The following SDK1 variants were observed in gnomAD, a reference collection of about 807,000 sequenced individuals.
The protein encoded by SDK1 is protein sidekick-1.
In SDK1, 157 loss-of-function variants were observed where a neutral mutation model predicts 245.5. The ratio of observed to expected loss-of-function variants is 0.64; its 90% CI spans 0.56 to 0.73. SDK1 has a LOEUF of 0.73. Ranked by LOEUF, SDK1 falls within the 30% of genes least tolerant of loss-of-function variation. The pLI, the probability that SDK1 is intolerant of heterozygous loss-of-function variation, is 0.00. For missense variants in SDK1, 3,583 were observed against 3,002.3 expected (o/e 1.19, Z -4.52); for synonymous variants, 1,647 against 1,278.5 (o/e 1.29, Z -6.15).
At chr7:3,401,164 C>G (rs1055429478) in intron 1 of SDK1, among the ~76,000 whole-genome samples, 2 of 152,150 alleles carry the variant, frequency 1.3e-5, no homozygotes, top group African/African-American at 4.8e-5. Flanking sequence ...GCTTCACTTA[C>G]TAAAATCCAT....
chr7:4,084,706 GTTATGTTATGTTATGTTATGTT>G (rs879290131), intron 22 of SDK1, among the ~76,000 whole-genome samples: 107 of 136,756 alleles, frequency 7.8e-4, no homozygotes, highest in Non-Finnish European at 1.4e-3. Flanking sequence ...GTTATGTTAT[GTTATGTTATGTTATGTTATGTT>G]ATGTTGTTAC....
intron 1 of SDK1, among the ~76,000 whole-genome samples, chr7:3,549,768 G>A (rs984134663): frequency 1.5e-4 from 23 of 152,224 alleles, no homozygotes; most frequent in African/African-American, 5.3e-4. Context: ...GCACGTCAAG[G>A]CACTGTTCTC....
At position 3,841,196 on chromosome 7, in the gene SDK1, C is replaced by A. The variant is rs577349520; in HGVS notation, c.847+19613C>A. Among the ~76,000 whole-genome samples, 52 of 152,310 alleles carry A rather than the reference C, an allele frequency of 3.4e-4. 1 individual carries two copies. Among genetic ancestry groups the A allele is most frequent in the African/African-American group, 1.2e-3 (51 of 41,550 alleles). ...TACAGCCCTTGGGCACTGCACCTACCCATGTATCAGGTGATCCAGAAGGCT... is the reference window on the plus strand; with the variant it reads ...TACAGCCCTTGGGCACTGCACCTACACATGTATCAGGTGATCCAGAAGGCT... On this transcript the variant is annotated intron_variant, in intron 5 of 44. Transcript: ENST00000404826.
chr7:4,074,246 G>C (rs1780473324), intron 20 of SDK1, among the ~76,000 whole-genome samples: 1 of 152,140 alleles, frequency 6.6e-6, no homozygotes, highest in Admixed American at 6.5e-5. Flanking sequence ...ATTGGGGGAG[G>C]CTGAGAAGCA....
intron 7 of SDK1, chr7:3,952,206 C>T (rs1018644618): frequency 4.0e-5 from 17 of 425,958 alleles, no homozygotes; most frequent in African/African-American, 3.6e-4. Flanking sequence ...CATATAGATC[C>T]CTCTCCTATT....
intron 34 of SDK1, 69 bp downstream of exon 34, chr7:4,175,903 C>T (rs1782179243): frequency 4.2e-6 from 6 of 1,429,346 alleles, no homozygotes; most frequent in East Asian, 4.5e-5. Flanking sequence ...CAGCTGGTCT[C>T]TCAGTGCAAG....
intron 1 of SDK1, among the ~76,000 whole-genome samples, chr7:3,417,530 AC>A (rs1302726805): frequency 6.6e-6 from 1 of 152,066 alleles, no homozygotes; most frequent in Non-Finnish European, 1.5e-5. Flanking sequence ...ACCTTCTCTG[AC>A]CCCGTAGGCT....
At chr7:3,938,469 T>C (rs1583591014) in intron 5 of SDK1, among the ~76,000 whole-genome samples, 1 of 152,056 alleles carries the variant, frequency 6.6e-6, no homozygotes, top group Middle Eastern at 3.4e-3. Context: ...GGTGAAACCC[T>C]GTCTCTACTA....
chr7:3,516,766 T>C (rs2128613180), intron 1 of SDK1, among the ~76,000 whole-genome samples: 1 of 152,302 alleles, frequency 6.6e-6, no homozygotes, highest in East Asian at 1.9e-4. Context: ...TGAAAGATAC[T>C]GAGTATTAGA....
At chr7:3,335,146 T>G (rs1780166160) in intron 1 of SDK1, among the ~76,000 whole-genome samples, 1 of 152,186 alleles carries the variant, frequency 6.6e-6, no homozygotes, top group African/African-American at 2.4e-5. Context: ...AACTTTTAAC[T>G]TCTGTATCCA....
At chr7:4,248,174 A>G (rs547719985) in intron 44 of SDK1, among the ~76,000 whole-genome samples, 1 of 152,226 alleles carries the variant, frequency 6.6e-6, no homozygotes, top group Non-Finnish European at 1.5e-5. Flanking sequence ...ACACATATGT[A>G]CATGTACACA....
chr7:3,657,304 G>C (rs75085421), intron 4 of SDK1, among the ~76,000 whole-genome samples: 1 of 152,184 alleles, frequency 6.6e-6, no homozygotes, highest in Non-Finnish European at 1.5e-5. Flanking sequence ...AGCTGCAGCT[G>C]TCTGGAGGTG....
intron 1 of SDK1, among the ~76,000 whole-genome samples, chr7:3,605,753 G>C (rs1002561159): frequency 4.6e-5 from 7 of 152,000 alleles, no homozygotes; most frequent in Admixed American, 3.9e-4. Context: ...CAGAGCTTTT[G>C]CAAATCTTTA....
chr7:4,167,164 C>T (rs1184849952), intron 32 of SDK1, among the ~76,000 whole-genome samples: 3 of 152,180 alleles, frequency 2.0e-5, no homozygotes, highest in African/African-American at 4.8e-5. Flanking sequence ...TAGGCTGAGG[C>T]GGGCAGATCA....
intron 1 of SDK1, among the ~76,000 whole-genome samples, chr7:3,614,417 C>T (rs914967480): frequency 3.3e-5 from 5 of 152,196 alleles, no homozygotes; most frequent in Admixed American, 3.3e-4. Flanking sequence ...CACACACACC[C>T]TTCAAAGATT....
chr7:3,652,177 A>G (rs1783032031), intron 4 of SDK1, among the ~76,000 whole-genome samples: 2 of 152,166 alleles, frequency 1.3e-5, no homozygotes, highest in South Asian at 4.1e-4. Flanking sequence ...TTTTCTTGTG[A>G]GCGGCTGCAG....
At chr7:3,718,616 C>T (rs1214680042) in intron 4 of SDK1, among the ~76,000 whole-genome samples, 2 of 151,816 alleles carry the variant, frequency 1.3e-5, no homozygotes, top group Middle Eastern at 3.2e-3. Context: ...GCTAAAAATT[C>T]TCAGCAATCT....
chr7:4,127,362 C>T lies in SDK1; in HGVS notation c.3824-19C>T, dbSNP rs763991864. On this transcript the variant is annotated intron_variant, in intron 25 of 44. Coordinates refer to ENST00000404826, the MANE Select transcript of SDK1 (RefSeq NM_152744.4). ...ACTCTAGATTTTGGATGCTAATCTA[C>T]TTCATTGGTTCTTTGCAGTTCCTTC... 2.1e-5 allele frequency: 34 copies of T among 1,588,244 alleles called. No individual in the cohort carries two copies. Among genetic ancestry groups the T allele is most frequent in the Non-Finnish European group, 2.9e-5 (34 of 1,156,430 alleles).
chr7:4,175,056 T>C (rs1030310893), intron 33 of SDK1, among the ~76,000 whole-genome samples: 1 of 152,216 alleles, frequency 6.6e-6, no homozygotes, highest in Non-Finnish European at 1.5e-5. Flanking sequence ...CTTTCTGCCA[T>C]CCCTGTGGCA....
Sources: allele counts gnomAD v4.1 joint callset (sites outside exome capture counted in the v4.1 genomes callset), GRCh38; gene constraint gnomAD v4.1.1; transcripts MANE v1.5; gene names NCBI Gene and HGNC (gene_info 2026-07-23, HGNC 2026-07-21).